Variants in SORL1 observed in about 807,000 individuals in gnomAD.
The protein encoded by SORL1 is sortilin-related receptor.
A neutral mutation model predicts 273.7 loss-of-function variants in SORL1; 127 were observed. The ratio of observed to expected loss-of-function variants is 0.46; its 90% CI spans 0.40 to 0.54. The LOEUF (loss-of-function observed/expected upper bound fraction) is 0.54. Among genes scored for constraint, SORL1 ranks in the 20% least tolerant of loss-of-function variants. The pLI is 0.00. For missense variants in SORL1, 2,494 were observed against 2,846.1 expected, an observed-to-expected ratio of 0.88 and a Z score of 2.81; for synonymous variants, 1,031 against 1,067.4, an observed-to-expected ratio of 0.97 and a Z score of 0.66.
chr11:121,610,994 C>T (rs541479988), intron 38 of SORL1, 82 bp from the exon 39 acceptor site: 50 of 897,396 alleles, frequency 5.6e-5, no homozygotes, highest in South Asian at 5.0e-4. Context: ...TGGCTTTGTC[C>T]GTTGAGTTGA....
Position 121,492,177 on chromosome 11 carries a change from A to C in SORL1, c.758+2067A>C, listed in dbSNP as rs1481787431. ...GGAGTTCGAGACCAGCCTGGCCAAC[A>C]TGATGAAACCCCATCTCCACTAAAA... On this transcript the variant is annotated intron_variant, in intron 5 of 47. Coordinates refer to ENST00000260197, the MANE Select transcript of SORL1 (RefSeq NM_003105.6). Among the ~76,000 whole-genome samples, 8 of 152,094 alleles carry C rather than the reference A, an allele frequency of 5.3e-5. No homozygotes were observed. The East Asian group carries it at 5.8e-4, about 11-fold the overall frequency.
intron 41 of SORL1, among the ~76,000 whole-genome samples, chr11:121,616,948 G>A (rs1031130257): frequency 3.3e-5 from 5 of 152,204 alleles, no homozygotes; most frequent in Non-Finnish European, 7.3e-5. Flanking sequence ...CAGAAAGGCA[G>A]GACAACTCAA....
intron 24 of SORL1, 179 bp from the exon 25 acceptor site, chr11:121,577,102 C>A: frequency 9.3e-7 from 1 of 1,073,888 alleles, no homozygotes; most frequent in African/African-American, 1.6e-5. Context: ...ATTTGCAGCA[C>A]ACTGACTGGA....
chr11:121,614,984 G>A lies in SORL1; in HGVS notation c.5533G>A (p.Ala1845Thr). 1 of 1,613,624 alleles carries A rather than the reference G, an allele frequency of 6.2e-7. No individual in the cohort carries two copies. Residue 1845 changes from alanine to threonine, a missense_variant, in exon 41 of 48, where the codon GCA becomes ACA. Physicochemically the swap from Ala to Thr is moderately conservative, Grantham distance 58. Transcript: ENST00000260197. ...HVMTRGVRPP[A>T]PSLKAKAINQ... ...TATGACCAGAGGGGTTCGCCCACCT[G>A]CACCTAGCCTCAAGGCCAAAGCCAT...
intron 44 of SORL1, 63 bp from the exon 45 acceptor site, chr11:121,622,099 C>A (rs1000804853): frequency 3.2e-6 from 3 of 942,052 alleles, no homozygotes. Flanking sequence ...CTTTGATAGA[C>A]AAGAAAATAG....
At chr11:121,499,382 A>G (rs1467399558) in intron 6 of SORL1, among the ~76,000 whole-genome samples, 1 of 152,172 alleles carries the variant, frequency 6.6e-6, no homozygotes, top group East Asian at 1.9e-4. Flanking sequence ...TTGTGGTCTT[A>G]GGAGTACCCA....
In SORL1 at chr11:121,596,072, T is replaced by G. The variant is rs889693274; in HGVS notation, c.4519+300T>G. ...AGGTTTCATAAGCATGTTTAACTCTTTAAAAACGCCCTTGGGGAAAGCCAC... is the reference window on the plus strand; with the variant it reads ...AGGTTTCATAAGCATGTTTAACTCTGTAAAAACGCCCTTGGGGAAAGCCAC... On this transcript the variant is annotated intron_variant, in intron 32 of 47. Coordinates refer to ENST00000260197, the MANE Select transcript of SORL1 (RefSeq NM_003105.6). This position sits in a 1 kb window ranked among gnomAD's most constrained non-coding sequence, Gnocchi z 4.3. Among the ~76,000 whole-genome samples the G allele has an allele frequency of 6.6e-6, 1 of 152,214 alleles. No homozygotes were observed. The highest frequency in any genetic ancestry group is 2.4e-5 in the African/African-American group (1 of 41,456).
intron 8 of SORL1, among the ~76,000 whole-genome samples, chr11:121,518,874 G>A (rs542568990): frequency 9.9e-5 from 15 of 152,144 alleles, no homozygotes; most frequent in East Asian, 7.7e-4. Context: ...GGAGGACAGC[G>A]TTTCTCGGCT....
At chr11:121,508,477 G>T (rs1195446302) in intron 6 of SORL1, among the ~76,000 whole-genome samples, 1 of 152,178 alleles carries the variant, frequency 6.6e-6, no homozygotes, top group Non-Finnish European at 1.5e-5. Context: ...TTCAGTAAAT[G>T]CCTTGGCTGG....
chr11:121,519,242 G>C (rs1337700887), intron 8 of SORL1, among the ~76,000 whole-genome samples: 1 of 151,972 alleles, frequency 6.6e-6, no homozygotes, highest in African/African-American at 2.4e-5. Flanking sequence ...CACCATGCCC[G>C]GCCAAGCTTC....
In SORL1 at chr11:121,583,594, A is replaced by C; in HGVS notation, c.3706+11A>C. 1 of 1,600,616 alleles carries C rather than the reference A, an allele frequency of 6.2e-7. No homozygotes were observed. Among genetic ancestry groups the C allele is most frequent in the Non-Finnish European group, 8.5e-7 (1 of 1,173,510 alleles). On this transcript the variant is annotated intron_variant, in intron 26 of 47. Transcript: ENST00000260197. ...ATCCAGTCAACTGTGGTAAATGCAA[A>C]TTCCCCAGCTCCCTCCCTGAGCCTC...
chr11:121,459,398 T>G (rs1860956386), intron 1 of SORL1, among the ~76,000 whole-genome samples: 1 of 152,106 alleles, frequency 6.6e-6, no homozygotes, highest in Admixed American at 6.5e-5. Flanking sequence ...GTGGAGGGCT[T>G]GGGTCTAGAC....
At chr11:121,454,441 A>C (rs1197893794) in intron 1 of SORL1, among the ~76,000 whole-genome samples, 1 of 152,218 alleles carries the variant, frequency 6.6e-6, no homozygotes, top group Non-Finnish European at 1.5e-5. Flanking sequence ...GGCAGGTTGG[A>C]CATGAACTCT....
chr11:121,534,586 G>T (rs1337304919), intron 12 of SORL1, among the ~76,000 whole-genome samples: 2 of 152,236 alleles, frequency 1.3e-5, no homozygotes, highest in Admixed American at 6.5e-5. Flanking sequence ...CTATTGACAG[G>T]TGCATGTGTC....
chr11:121,614,992 C>G lies in SORL1; in HGVS notation c.5541C>G (p.Ser1847Arg), dbSNP rs1177985650. 6.2e-7 allele frequency: 1 copy of G among 1,613,536 alleles called. No individual in the cohort carries two copies. The change falls in exon 41 of 48, where the codon AGC (serine) becomes AGG (arginine). Residue 1847 changes from serine to arginine, a missense_variant. This residue lies in a region of SORL1 where 1,609 missense variants were observed against 1,816.4 expected (regional missense o/e 0.89). Transcript: ENST00000260197. ...MTRGVRPPAP[S>R]LKAKAINQTA... ...GAGGGGTTCGCCCACCTGCACCTAG[C>G]CTCAAGGCCAAAGCCATCAACCAGA... is the stretch of plus-strand genomic sequence containing the variant.
chr11:121,543,518 G>A (rs1862378188), intron 12 of SORL1, 30 bp from the exon 13 acceptor site: 19 of 1,582,328 alleles, frequency 1.2e-5, no homozygotes, highest in Non-Finnish European at 1.6e-5. Context: ...GACTTTCACT[G>A]CAAGGATTCT....
Position 121,614,931 on chromosome 11 carries a change from G to C in SORL1, c.5480G>C (p.Gly1827Ala). The part of the protein sequence containing the change: ...EISAWAKTDL[G>A]DSPLAFEHVM... ...TCTGCCTGGGCCAAGACTGACTTGG[G>C]GGATAGCCCTCTGGCATTTGAGCAT... Residue 1827 changes from glycine (G) to alanine (A), a missense_variant, in exon 41 of 48, where the codon GGG becomes GCG. Around this residue, in one of 3 missense-constraint regions of SORL1, gnomAD observed 1,609 missense variants for 1,816.4 expected, o/e 0.89. Transcript: ENST00000260197. The C allele has an allele frequency of 3.1e-6, 5 of 1,613,404 alleles. No homozygotes were observed. Among genetic ancestry groups the C allele is most frequent in the Non-Finnish European group, 4.2e-6 (5 of 1,179,720 alleles).
chr11:121,486,774 C>T (rs926677942), intron 3 of SORL1, among the ~76,000 whole-genome samples: 6 of 152,026 alleles, frequency 3.9e-5, no homozygotes, highest in African/African-American at 1.2e-4. Context: ...CCACTGCGCC[C>T]GGCGGTGAGA....
rs187103101 is a variant in SORL1, at chr11:121,479,441, C to G, written c.528+1198C>G. ...GAAAGGAACAAGCAAGCAAGATCTA[C>G]AGGGTCCTCTTTCCAGTCCCTAGTC... On this transcript the variant is annotated intron_variant, in intron 3 of 47. Transcript: ENST00000260197. Among the ~76,000 whole-genome samples the G allele has an allele frequency of 2.7e-3, 416 of 152,320 alleles. 1 individual carries two copies. Among genetic ancestry groups the G allele is most frequent in the Middle Eastern group, 0.01 (3 of 294 alleles).
Sources: allele counts gnomAD v4.1 joint callset (sites outside exome capture counted in the v4.1 genomes callset), GRCh38; gene constraint gnomAD v4.1.1; regional missense constraint gnomAD v4.1.1; non-coding constraint Gnocchi (gnomAD v3.1); transcripts MANE v1.5; gene names NCBI Gene and HGNC (gene_info 2026-07-23, HGNC 2026-07-21).